The following SDK1 variants were observed in gnomAD, a reference collection of about 807,000 sequenced individuals.
The protein encoded by SDK1 is sidekick cell adhesion molecule 1, also known as protein sidekick-1.
In SDK1, 157 loss-of-function variants were observed where a neutral mutation model predicts 245.5. The ratio of observed to expected loss-of-function variants is 0.64; its 90% CI spans 0.56 to 0.73. The LOEUF (loss-of-function observed/expected upper bound fraction) is 0.73. SDK1 is among the 30% of genes least tolerant of loss of function. The probability of loss-of-function intolerance (pLI) is 0.00; values close to 1 mark genes in which losing one functional copy is unlikely to be tolerated. For synonymous variants in SDK1, 1,647 were observed against 1,278.5 expected (o/e 1.29, Z -6.15); for missense variants, 3,583 against 3,002.3 (o/e 1.19, Z -4.52).
intron 4 of SDK1, among the ~76,000 whole-genome samples, chr7:3,681,429 C>G (rs1046020491): frequency 1.3e-5 from 2 of 152,178 alleles, no homozygotes; most frequent in Admixed American, 6.5e-5. Flanking sequence ...GTACACATCC[C>G]TGGTGTACTT....
At chr7:3,671,911 T>G (rs945483195) in intron 4 of SDK1, among the ~76,000 whole-genome samples, 5 of 152,168 alleles carry the variant, frequency 3.3e-5, no homozygotes, top group African/African-American at 1.2e-4. Context: ...ATTGTTTGTG[T>G]TTATAATGTG....
At position 3,422,949 on chromosome 7, in the gene SDK1, A is replaced by G. The variant is rs1443340244; in HGVS notation, c.298+121065A>G. ...TTTTACCCTGTATATCAGAGATATT[A>G]ATGAGCTGGCTAATTTATATACCTG... On this transcript the variant is annotated intron_variant, in intron 1 of 44. Coordinates refer to ENST00000404826, the MANE Select transcript of SDK1 (RefSeq NM_152744.4). Among the ~76,000 whole-genome samples the G allele has an allele frequency of 2.6e-5, 4 of 152,228 alleles. No individual in the cohort carries two copies. In the East Asian group the frequency reaches 7.7e-4, roughly 29 times the overall value.
chr7:3,814,955 A>G (rs1423271722), intron 4 of SDK1, among the ~76,000 whole-genome samples: 2 of 151,962 alleles, frequency 1.3e-5, no homozygotes, highest in South Asian at 2.1e-4. Context: ...ATTTTTGTAC[A>G]TCGATTTTGT....
chr7:4,174,388 G>A (rs1209101124), intron 33 of SDK1, 31 bp downstream of exon 33: 1 of 1,610,628 alleles, frequency 6.2e-7, no homozygotes. Flanking sequence ...CTGGTACAGG[G>A]AGGGAGGTTC....
At chr7:3,619,947 G>A (rs1261368667) in intron 2 of SDK1, among the ~76,000 whole-genome samples, 1 of 152,146 alleles carries the variant, frequency 6.6e-6, no homozygotes, top group African/African-American at 2.4e-5. Context: ...GAGCTTTCCA[G>A]GGGTATACTT....
At chr7:3,597,129 GGAT>G (rs1328258854) in intron 1 of SDK1, among the ~76,000 whole-genome samples, 1 of 151,944 alleles carries the variant, frequency 6.6e-6, no homozygotes, top group Non-Finnish European at 1.5e-5. Context: ...AAAATTAGCC[GGAT>G]GTGGTGGCGG....
At chr7:4,230,407 G>C (rs1562460103) in intron 40 of SDK1, among the ~76,000 whole-genome samples, 1 of 146,872 alleles carries the variant, frequency 6.8e-6, no homozygotes, top group Non-Finnish European at 1.5e-5. Context: ...GGGCAGGGGA[G>C]GGAAGGGGAG....
chr7:4,021,154 G>A (rs73673248), intron 17 of SDK1, among the ~76,000 whole-genome samples: 10,045 of 152,200 alleles, frequency 0.066, 1,038 homozygotes, highest in African/African-American at 0.23. Context: ...AAGATATCTG[G>A]TGTGTCATCA....
intron 1 of SDK1, among the ~76,000 whole-genome samples, chr7:3,566,271 C>T (rs1779914290): frequency 1.4e-5 from 2 of 144,184 alleles, no homozygotes; most frequent in East Asian, 2.0e-4. Flanking sequence ...GTCGCCCAGG[C>T]TGGAGTGCAG....
At chr7:4,209,596 C>G (rs940504151) in intron 37 of SDK1, among the ~76,000 whole-genome samples, 1 of 152,182 alleles carries the variant, frequency 6.6e-6, no homozygotes, top group African/African-American at 2.4e-5. Context: ...AACCCCCAGG[C>G]CTCTGAGGGA....
chr7:3,858,422 T>G (rs897483668), intron 5 of SDK1, among the ~76,000 whole-genome samples: 2 of 151,974 alleles, frequency 1.3e-5, no homozygotes, highest in Non-Finnish European at 2.9e-5. Flanking sequence ...TTTATATATT[T>G]TATTACTACA....
intron 33 of SDK1, 45 bp downstream of exon 33, chr7:4,174,402 G>A: frequency 6.3e-7 from 1 of 1,597,880 alleles, no homozygotes; most frequent in Admixed American, 1.7e-5. Flanking sequence ...GAGGTTCCCA[G>A]GGGACCCTTG....
At chr7:3,568,501 T>G (rs930528054) in intron 1 of SDK1, among the ~76,000 whole-genome samples, 4 of 152,220 alleles carry the variant, frequency 2.6e-5, no homozygotes, top group Non-Finnish European at 5.9e-5. Context: ...ATGATTAACA[T>G]TCAAGAAGTT....
At chr7:4,184,299 G>A (rs1052816714) in intron 35 of SDK1, among the ~76,000 whole-genome samples, 3 of 152,190 alleles carry the variant, frequency 2.0e-5, no homozygotes, top group Non-Finnish European at 2.9e-5. Flanking sequence ...AGGTCCAAGC[G>A]TCGGCTCTAC....
At chr7:3,941,682 T>A (rs1002414954) in intron 5 of SDK1, among the ~76,000 whole-genome samples, 1 of 152,164 alleles carries the variant, frequency 6.6e-6, no homozygotes, top group African/African-American at 2.4e-5. Context: ...CTCTTTGGCT[T>A]TCGTAGCTCC....
chr7:3,803,745 CTTTTTTTTTT>C (rs60802259), intron 4 of SDK1, among the ~76,000 whole-genome samples: 1 of 119,978 alleles, frequency 8.3e-6, no homozygotes, highest in Non-Finnish European at 1.7e-5. Flanking sequence ...GTATTTTCCT[CTTTTTTTTTT>C]TTTTTTTTTT....
At chr7:3,974,732 G>T (rs1782774224) in intron 13 of SDK1, 187 bp downstream of exon 13, 2 of 538,274 alleles carry the variant, frequency 3.7e-6, no homozygotes, top group South Asian at 2.9e-5. Context: ...TTCAACTTCG[G>T]AATTGAGAAG....
chr7:3,658,244 A>G lies in SDK1; in HGVS notation c.713+16139A>G, dbSNP rs538029755. On this transcript the variant is annotated intron_variant, in intron 4 of 44. Coordinates refer to ENST00000404826, the MANE Select transcript of SDK1 (RefSeq NM_152744.4). ...TGGAATCATTTTCTCATGAGGGCCC[A>G]TTCTTTGCTGTAATGAGATCTGACC... Among the ~76,000 whole-genome samples the G allele has an allele frequency of 2.0e-5, 3 of 152,300 alleles. No individual in the cohort carries two copies. In the East Asian group the frequency reaches 5.8e-4, roughly 29 times the overall value.
intron 4 of SDK1, among the ~76,000 whole-genome samples, chr7:3,801,971 G>C (rs1779117663): frequency 6.6e-6 from 1 of 152,214 alleles, no homozygotes; most frequent in South Asian, 2.1e-4. Flanking sequence ...CATGGATTGA[G>C]TAGGGGTATT....
Sources: allele counts gnomAD v4.1 joint callset (sites outside exome capture counted in the v4.1 genomes callset), GRCh38; gene constraint gnomAD v4.1.1; transcripts MANE v1.5; gene names NCBI Gene and HGNC (gene_info 2026-07-23, HGNC 2026-07-21).